AXL: variants seen among roughly 807,000 people sequenced by gnomAD.
AXL encodes the protein AXL receptor tyrosine kinase.
AXL carries 52 observed loss-of-function variants against 104.5 expected under a neutral mutation model. The ratio of observed to expected loss-of-function variants is 0.50; its 90% CI spans 0.40 to 0.63. AXL has a LOEUF of 0.63. Ranked by LOEUF, AXL falls within the 20% of genes least tolerant of loss-of-function variation. The pLI, the probability that AXL is intolerant of heterozygous loss-of-function variation, is 0.00. For missense variants in AXL, 1,024 were observed against 1,188.5 expected (o/e 0.86, Z 2.04); for synonymous variants, 455 against 473.7 (o/e 0.96, Z 0.51).
chr19:41,237,447 T>G (rs1282920756), intron 6 of AXL, among the ~76,000 whole-genome samples: 1 of 152,154 alleles, frequency 6.6e-6, no homozygotes, highest in East Asian at 1.9e-4. Context: ...TTTCACCACG[T>G]TGGCCAGGCT....
chr19:41,221,986 C>T lies in AXL; in HGVS notation c.516C>T (p.Leu172=), dbSNP rs1345922750. 6.2e-7 allele frequency: 1 copy of T among 1,610,878 alleles called. No individual in the cohort carries two copies. ...AQGPPEPVDL[L]WLQDAVPLAT... ...GACCCCCAGAGCCCGTGGACCTACT[C>T]TGGCTCCAGGATGCTGTCCCCCTGG... The change falls in exon 4 of 20, where the codon CTC becomes CTT. Residue 172 remains leucine (L), a synonymous_variant. Transcript: ENST00000301178.
chr19:41,239,673 C>T, intron 9 of AXL, 21 bp from the exon 10 acceptor site: 1 of 1,614,166 alleles, frequency 6.2e-7, no homozygotes, highest in East Asian at 2.2e-5. Flanking sequence ...CACATCTCCT[C>T]TCTGTCCTTT....
At chr19:41,228,004 G>A (rs1331810724) in intron 4 of AXL, among the ~76,000 whole-genome samples, 2 of 152,124 alleles carry the variant, frequency 1.3e-5, no homozygotes, top group African/African-American at 4.8e-5. Flanking sequence ...TTAAAACTTA[G>A]GAGTTATATC....
intron 6 of AXL, among the ~76,000 whole-genome samples, chr19:41,234,991 G>A (rs558516701): frequency 8.5e-5 from 13 of 152,310 alleles, no homozygotes; most frequent in Middle Eastern, 3.4e-3. Flanking sequence ...TTCCTCGGGT[G>A]GAATAGGTAT....
chr19:41,252,481 A>T (rs1168622740), intron 15 of AXL, 38 bp downstream of exon 15: 3 of 1,596,154 alleles, frequency 1.9e-6, no homozygotes, highest in Non-Finnish European at 2.6e-6. Flanking sequence ...TACAAGCCCC[A>T]TGGGGGCCAT....
In AXL at chr19:41,253,679, A is replaced by G; in HGVS notation, c.2007A>G (p.Ile669Met). Residue 669 changes from isoleucine to methionine, a missense_variant, in exon 17 of 20, where the codon ATA (isoleucine) becomes ATG (methionine). Physicochemically the swap from Ile to Met is conservative, Grantham distance 10. Transcript: ENST00000301178. ...GMEYLSTKRF[I>M]HRDLAARNCM... ...AGTATCTGAGTACCAAGAGATTCAT[A>G]CACCGGGACCTGGCGGCCAGGAACT... 6.2e-7 allele frequency: 1 copy of G among 1,612,956 alleles called. No homozygotes were observed. The highest frequency in any genetic ancestry group is 8.5e-7 in the Non-Finnish European group (1 of 1,179,716).
rs548823097 is a variant in AXL, at chr19:41,259,462, C to A, written c.2334-91C>A. 2.8e-5 allele frequency: 31 copies of A among 1,125,514 alleles called. No individual in the cohort carries two copies. The African/African-American group carries it at 4.7e-4, about 17-fold the overall frequency. 69.7% of individuals were successfully genotyped at this position (1,125,514 alleles called of 1,614,324 possible). A position where few individuals can be genotyped will look rare whatever the true frequency, so the allele number is the denominator to read the frequency against. The stretch of plus-strand genomic sequence containing the variant: ...TATAACCCTCTAAAATGCCCCCAGT[C>A]CCCTGAGTGTCCTAAAATGTCCCCA... On this transcript the variant is annotated intron_variant, in intron 19 of 19. Coordinates refer to ENST00000301178, the MANE Select transcript of AXL (RefSeq NM_021913.5).
chr19:41,220,402 ATCCCGAGCCTCCTTCCCGACG>A, intron 1 of AXL: 1 of 507,286 alleles, frequency 2.0e-6, no homozygotes, highest in Middle Eastern at 5.4e-4. Context: ...AGGCTGCCAG[ATCCCGAGCCTCCTTCCCGACG>A]GGATGGACGC....
chr19:41,238,237 A>G, intron 7 of AXL, 83 bp downstream of exon 7: 1 of 1,513,946 alleles, frequency 6.6e-7, no homozygotes. Context: ...GTCCCCTTTC[A>G]CTCCTTTACC....
intron 12 of AXL, among the ~76,000 whole-genome samples, chr19:41,245,428 A>C (rs2034255429): frequency 6.6e-6 from 1 of 152,192 alleles, no homozygotes; most frequent in Non-Finnish European, 1.5e-5. Context: ...AGGCCCAGTC[A>C]AATCTGTTCT....
At position 41,261,096 on chromosome 19, in the gene AXL, G is replaced by A. The variant is rs1599746969; in HGVS notation, c.*1192G>A. The stretch of plus-strand genomic sequence containing the variant: ...GAGTTTCTAAGGTCCGGTGTTCTAA[G>A]ATGTGATATTCTAAGACTTACTCTA... On this transcript the variant is annotated 3_prime_UTR_variant, in exon 20 of 20. Transcript: ENST00000301178. The A allele has an allele frequency of 6.6e-6, 1 of 152,200 alleles. No individual in the cohort carries two copies. The highest frequency in any genetic ancestry group is 1.9e-4 in the East Asian group (1 of 5,198). 9.4% of individuals were successfully genotyped at this position (152,200 alleles called of 1,614,324 possible). A position where few individuals can be genotyped will look rare whatever the true frequency, so the allele number is the denominator to read the frequency against.
At chr19:41,237,787 C>A (rs901283380) in intron 6 of AXL, among the ~76,000 whole-genome samples, 157 bp from the exon 7 acceptor site, 1 of 152,154 alleles carries the variant, frequency 6.6e-6, no homozygotes, top group African/African-American at 2.4e-5. Flanking sequence ...CCTTGCTTTG[C>A]AAATCCAGGT....
intron 19 of AXL, 75 bp downstream of exon 19, chr19:41,257,704 T>G: frequency 6.4e-7 from 1 of 1,568,584 alleles, no homozygotes; most frequent in Non-Finnish European, 8.7e-7. Flanking sequence ...CCCTCACAGG[T>G]CCAGGACTCT....
At chr19:41,227,721 T>C (rs953555299) in intron 4 of AXL, among the ~76,000 whole-genome samples, 1 of 152,008 alleles carries the variant, frequency 6.6e-6, no homozygotes, top group Non-Finnish European at 1.5e-5. Flanking sequence ...ACTCCTAATC[T>C]CAAGTGATCC....
chr19:41,224,065 C>T (rs941319660), intron 4 of AXL, among the ~76,000 whole-genome samples: 3 of 151,682 alleles, frequency 2.0e-5, no homozygotes, highest in East Asian at 3.9e-4. Context: ...TCTCTCTCTA[C>T]GTTTCTTAGG....
chr19:41,223,236 A>G (rs1599725054), intron 4 of AXL, among the ~76,000 whole-genome samples: 1 of 152,082 alleles, frequency 6.6e-6, no homozygotes, highest in Non-Finnish European at 1.5e-5. Flanking sequence ...TGGAGGTTGC[A>G]GTGAGCCGAG....
At chr19:41,240,195 AATGGATGGGTAG>A (rs2034157672) in intron 10 of AXL, among the ~76,000 whole-genome samples, 1 of 141,640 alleles carries the variant, frequency 7.1e-6, no homozygotes, top group Admixed American at 7.1e-5. Flanking sequence ...TGAGTGGATA[AATGGATGGGTAG>A]ATGGATGGGT....
At chr19:41,246,372 G>A (rs991986818) in intron 12 of AXL, among the ~76,000 whole-genome samples, 1 of 151,912 alleles carries the variant, frequency 6.6e-6, no homozygotes, top group African/African-American at 2.4e-5. Flanking sequence ...GCTTGAACCC[G>A]GGAGGCGGAT....
intron 19 of AXL, among the ~76,000 whole-genome samples, chr19:41,258,571 T>C (rs1304192499): frequency 6.6e-6 from 1 of 152,168 alleles, no homozygotes; most frequent in Non-Finnish European, 1.5e-5. Flanking sequence ...TGTGCCACCA[T>C]GCCCAGCTAA....
Sources: gnomAD v4.1 joint callset for allele counts (sites outside exome capture counted in the v4.1 genomes callset) on GRCh38, gnomAD v4.1.1 for gene constraint, MANE v1.5 for transcripts, NCBI Gene and HGNC (gene_info 2026-07-23, HGNC 2026-07-21) for gene names.